The following SH3BGRL2 variants were observed in gnomAD, a reference collection of about 807,000 sequenced individuals.
SH3BGRL2 encodes the protein SH3 domain-binding glutamic acid-rich-like protein 2.
In SH3BGRL2, 21 loss-of-function variants were observed where a neutral mutation model predicts 14.8. The observed-to-expected ratio is 1.42, with a 90% CI of 1.01 to 2.05. The LOEUF (loss-of-function observed/expected upper bound fraction) is 2.05. Ranked by LOEUF, SH3BGRL2 falls within the 30% of genes most tolerant of loss-of-function variation. The probability of loss-of-function intolerance (pLI) is 0.00; values close to 1 mark genes in which losing one functional copy is unlikely to be tolerated. For missense variants in SH3BGRL2, 147 were observed against 130.8 expected (o/e 1.12, Z -0.61); for synonymous variants, 50 against 47.8 (o/e 1.05, Z -0.19).
Position 79,666,734 on chromosome 6 carries a change from C to A in SH3BGRL2, c.46-6880C>A, listed in dbSNP as rs560952525. Among the ~76,000 whole-genome samples the A allele has an allele frequency of 2.6e-5, 4 of 152,276 alleles. No individual in the cohort carries two copies. In the East Asian group the frequency reaches 7.7e-4, roughly 29 times the overall value. ...AAGCTGTTTTAAAAAAAACTTTTCCCTTCTATTTTCTCTCACTGTCTGACT... is the reference window on the plus strand; with the variant it reads ...AAGCTGTTTTAAAAAAAACTTTTCCATTCTATTTTCTCTCACTGTCTGACT... On this transcript the variant is annotated intron_variant, in intron 1 of 3. Transcript: ENST00000369838.
the SH3BGRL2 span, among the ~76,000 whole-genome samples, chr6:79,622,670 A>T: frequency 6.6e-5 from 10 of 152,246 alleles, no homozygotes; most frequent in Non-Finnish European, 1.3e-4. Context: ...AGTATATATT[A>T]GCAACTTGAT....
At chr6:79,696,440 T>G in intron 2 of SH3BGRL2, 45 bp from the exon 3 acceptor site, 2 of 1,349,530 alleles carry the variant, frequency 1.5e-6, no homozygotes, top group South Asian at 2.6e-5. Context: ...ATAAAGATAA[T>G]TGTTTGCTTT....
chr6:79,653,528 A>G (rs1003991780), intron 1 of SH3BGRL2, among the ~76,000 whole-genome samples: 1 of 152,180 alleles, frequency 6.6e-6, no homozygotes, highest in Non-Finnish European at 1.5e-5. Context: ...AACTTTTGTG[A>G]TTATTTGGCA....
chr6:79,567,701 G>T, the SH3BGRL2 span, among the ~76,000 whole-genome samples: 1 of 152,038 alleles, frequency 6.6e-6, no homozygotes, highest in Non-Finnish European at 1.5e-5. Context: ...GTTACAAAAA[G>T]ATTTAAAAAA....
chr6:79,699,404 G>A, intron 3 of SH3BGRL2, 94 bp from the exon 4 acceptor site: 1 of 1,356,074 alleles, frequency 7.4e-7, no homozygotes, highest in Non-Finnish European at 9.7e-7. Context: ...CTCTGTTCCT[G>A]ACATTTAAAA....
chr6:79,664,026 CACAGTATTTG>C (rs1769607566), intron 1 of SH3BGRL2, among the ~76,000 whole-genome samples: 1 of 152,244 alleles, frequency 6.6e-6, no homozygotes, highest in Admixed American at 6.5e-5. Context: ...CTAGGAAGAG[CACAGTATTTG>C]AGTGGGAGTG....
chr6:79,540,760 AG>A, the SH3BGRL2 span, among the ~76,000 whole-genome samples: 1 of 152,326 alleles, frequency 6.6e-6, no homozygotes, highest in South Asian at 2.1e-4. Flanking sequence ...GACAATATTG[AG>A]CAAAAGAAGT....
At position 79,631,375 on chromosome 6, in the gene SH3BGRL2, C is replaced by T; in HGVS notation, c.-87C>T. 2 of 1,255,842 alleles carry T rather than the reference C, an allele frequency of 1.6e-6. No individual in the cohort carries two copies. Among genetic ancestry groups the T allele is most frequent in the Non-Finnish European group, 2.1e-6 (2 of 945,034 alleles). 77.8% of individuals were successfully genotyped at this position (1,255,842 alleles called of 1,614,324 possible). ...ACGGCAGCGCTTTACCCAGAGGCTG[C>T]CGGCGGCTCGTAGCTGGGTTCAGCT... On this transcript the variant is annotated 5_prime_UTR_variant, in exon 1 of 4. Transcript: ENST00000369838.
chr6:79,654,229 A>G (rs1223218388), intron 1 of SH3BGRL2, among the ~76,000 whole-genome samples: 1 of 152,188 alleles, frequency 6.6e-6, no homozygotes, highest in Non-Finnish European at 1.5e-5. Flanking sequence ...TCATTTATTT[A>G]TGAAATATGA....
intron 1 of SH3BGRL2, among the ~76,000 whole-genome samples, chr6:79,660,227 A>G (rs1179129412): frequency 2.0e-5 from 3 of 152,184 alleles, no homozygotes; most frequent in African/African-American, 7.2e-5. Flanking sequence ...CAGTTTTCAA[A>G]GGGAATGCTT....
At chr6:79,556,392 C>A in the SH3BGRL2 span, among the ~76,000 whole-genome samples, 1 of 152,098 alleles carries the variant, frequency 6.6e-6, no homozygotes, top group Non-Finnish European at 1.5e-5. Flanking sequence ...AGAGAATTTA[C>A]TATGTTAGCA....
At chr6:79,636,252 T>C (rs1265468110) in intron 1 of SH3BGRL2, among the ~76,000 whole-genome samples, 1 of 152,194 alleles carries the variant, frequency 6.6e-6, no homozygotes, top group Non-Finnish European at 1.5e-5. Context: ...TTAGAGCTGC[T>C]AGAGTAGAAG....
the SH3BGRL2 span, among the ~76,000 whole-genome samples, chr6:79,560,017 A>C: frequency 2.0e-5 from 3 of 152,006 alleles, no homozygotes; most frequent in African/African-American, 7.2e-5. Flanking sequence ...AAGGAGGAGG[A>C]GAAGGAGGAG....
the SH3BGRL2 span, among the ~76,000 whole-genome samples, chr6:79,553,657 A>G: frequency 4.8e-5 from 7 of 146,948 alleles, no homozygotes; most frequent in African/African-American, 1.7e-4. Context: ...ATCTCTGATA[A>G]TGTACAGTTT....
At chr6:79,621,455 A>G in the SH3BGRL2 span, among the ~76,000 whole-genome samples, 1 of 152,188 alleles carries the variant, frequency 6.6e-6, no homozygotes, top group Non-Finnish European at 1.5e-5. Flanking sequence ...CCAGGAAAGA[A>G]GCCCTCACTA....
chr6:79,702,969 A>G lies in SH3BGRL2; in HGVS notation c.*3460A>G, dbSNP rs1265420508. 6.6e-6 allele frequency: 1 copy of G among 152,270 alleles called. No homozygotes were observed. The highest frequency in any genetic ancestry group is 1.5e-5 in the Non-Finnish European group (1 of 68,066). 9.4% of individuals were successfully genotyped at this position (152,270 alleles called of 1,614,324 possible). ...GGCATTGTTTGAGGTTGATCTCAGC[A>G]CTGAACGATTTCAAGCCCTACGCAC... On this transcript the variant is annotated 3_prime_UTR_variant, in exon 4 of 4. Coordinates refer to ENST00000369838, the MANE Select transcript of SH3BGRL2 (RefSeq NM_031469.4).
chr6:79,661,372 C>G (rs1175411739), intron 1 of SH3BGRL2, among the ~76,000 whole-genome samples: 1 of 152,094 alleles, frequency 6.6e-6, no homozygotes, highest in Admixed American at 6.6e-5. Context: ...TTATTTCTGC[C>G]TTCATTTCGT....
upstream of SH3BGRL2, among the ~76,000 whole-genome samples, chr6:79,626,858 T>C (rs1199523990): frequency 2.0e-5 from 3 of 152,164 alleles, no homozygotes; most frequent in South Asian, 4.1e-4. Flanking sequence ...GAAGCATGAG[T>C]TACTACCCAT....
chr6:79,585,971 G>C, the SH3BGRL2 span, among the ~76,000 whole-genome samples: 1 of 151,656 alleles, frequency 6.6e-6, no homozygotes, highest in Non-Finnish European at 1.5e-5. Context: ...CGAGGCAGGC[G>C]GATCACCTGA....
Sources: gnomAD v4.1 joint callset for allele counts (sites outside exome capture counted in the v4.1 genomes callset) on GRCh38, gnomAD v4.1.1 for gene constraint, MANE v1.5 for transcripts, NCBI Gene and HGNC (gene_info 2026-07-23, HGNC 2026-07-21) for gene names.